HERPUD2: variants seen among roughly 807,000 people sequenced by gnomAD.
The protein encoded by HERPUD2 is homocysteine-responsive endoplasmic reticulum-resident ubiquitin-like domain member 2 protein.
HERPUD2 carries 13 observed loss-of-function variants against 49.9 expected under a neutral mutation model. The observed-to-expected ratio is 0.26, with a 90% CI of 0.17 to 0.41. The LOEUF is 0.41. HERPUD2 is among the 10% of genes least tolerant of loss of function. The pLI is 1.00. For synonymous variants in HERPUD2, 172 were observed against 171.4 expected, an observed-to-expected ratio of 1.00 and a Z score of -0.03; for missense variants, 449 against 492.2, an observed-to-expected ratio of 0.91 and a Z score of 0.83.
chr7:35,686,472 CG>C (rs376287068), intron 2 of HERPUD2, among the ~76,000 whole-genome samples: 149,247 of 149,252 alleles, frequency 1, 74,621 homozygotes, highest in Non-Finnish European at 1. Context: ...CAGGCGTCAG[CG>C]CAGCGCCCGG....
At chr7:35,667,895 T>A (rs981233500) in intron 4 of HERPUD2, among the ~76,000 whole-genome samples, 21 of 152,196 alleles carry the variant, frequency 1.4e-4, no homozygotes, top group Admixed American at 1.1e-3. Context: ...AAAAGCTCTT[T>A]TCACATGATT....
At chr7:35,657,197 C>T (rs922577543) in intron 5 of HERPUD2, among the ~76,000 whole-genome samples, 25 of 152,002 alleles carry the variant, frequency 1.6e-4, no homozygotes, top group African/African-American at 5.6e-4. Context: ...AAAAAGTAAG[C>T]AAAGGACATG....
intron 6 of HERPUD2, among the ~76,000 whole-genome samples, chr7:35,637,632 C>A (rs1423745847): frequency 6.6e-6 from 1 of 151,994 alleles, no homozygotes; most frequent in African/African-American, 2.4e-5. Context: ...CAACTAAGAC[C>A]ACGCAAAAAA....
rs1279518681 is a variant in HERPUD2 at position 35,674,400 on chromosome 7, TATATAGAGAGAGAGAGAGAGAGAG to T, written c.148-1146_148-1123del. Among the ~76,000 whole-genome samples the T allele has an allele frequency of 2.5e-4, 15 of 60,200 alleles. No individual in the cohort carries two copies. The South Asian group carries it at 3.4e-3, about 14-fold the overall frequency. 39.5% of individuals were successfully genotyped at this position (60,200 alleles called of 152,430 possible). On this transcript the variant is annotated intron_variant, in intron 2 of 8. Transcript: ENST00000311350. Reference sequence around the variant, plus strand: ...CAACCTATATATATATATATATATATATATAGAGAGAGAGAGAGAGAGAGAGAGAGAGAGAGAGAGAGAGAGAGA... The same window carrying T: ...CAACCTATATATATATATATATATATAGAGAGAGAGAGAGAGAGAGAGAGA...
At position 35,670,232 on chromosome 7, in the gene HERPUD2, C is replaced by T. The variant is rs3779234; in HGVS notation, c.322G>A (p.Ala108Thr). The change falls in exon 4 of 9, where the codon GCA becomes ACA. Residue 108 changes from alanine (A) to threonine (T), a missense_variant. Coordinates refer to ENST00000311350, the MANE Select transcript of HERPUD2 (RefSeq NM_022373.5). The stretch of plus-strand genomic sequence containing the variant: ...CAACTCACAGAATTGCTGCTGGATG[C>T]CAATGCTTCATGACTTTCTCTATTG... ...STNRESHEAL[A>T]SSSNSSSDHS... is the part of the protein sequence containing the mutation. 0.36 allele frequency: 559,184 copies of T among 1,553,080 alleles called. 104,106 individuals are homozygous for T. The highest frequency in any genetic ancestry group is 0.41 in the Middle Eastern group (2,418 of 5,926).
In HERPUD2 at chr7:35,664,777, C is replaced by T. The variant is rs147441763; in HGVS notation, c.494+2657G>A. On this transcript the variant is annotated intron_variant, in intron 5 of 8. Transcript: ENST00000311350. ...TGGACTTATCTATGCTGTTTATTCTCGTTAGCCATTTGTCTACTCTTTTTT... is the reference window on the plus strand; with the variant it reads ...TGGACTTATCTATGCTGTTTATTCTTGTTAGCCATTTGTCTACTCTTTTTT... 3.3e-3 allele frequency among the ~76,000 whole-genome samples: 507 copies of T among 152,282 alleles called. 2 individuals are homozygous for T. The highest frequency in any genetic ancestry group is 0.011 in the African/African-American group (475 of 41,562).
intron 2 of HERPUD2, among the ~76,000 whole-genome samples, 173 bp downstream of exon 2, chr7:35,694,011 T>C (rs545722653): frequency 6.6e-6 from 1 of 152,238 alleles, no homozygotes; most frequent in Admixed American, 6.5e-5. Context: ...CAGGAAAATA[T>C]TAATGATGGT....
Position 35,666,248 on chromosome 7 carries a change from A to G in HERPUD2, c.494+1186T>C, listed in dbSNP as rs111378130. Reference sequence around the variant, plus strand: ...AAAATAGTTTCACAGGTACTTTATGAAAGTCTACAACCAGCCTCATCTAAA... The same window carrying G: ...AAAATAGTTTCACAGGTACTTTATGGAAGTCTACAACCAGCCTCATCTAAA... On this transcript the variant is annotated intron_variant, in intron 5 of 8. Transcript: ENST00000311350. Among the ~76,000 whole-genome samples, 40 of 152,362 alleles carry G rather than the reference A, an allele frequency of 2.6e-4. No individual in the cohort carries two copies. In the East Asian group the frequency reaches 6.7e-3, roughly 26 times the overall value.
chr7:35,637,186 G>A (rs1267505921), intron 6 of HERPUD2, among the ~76,000 whole-genome samples: 2 of 151,084 alleles, frequency 1.3e-5, no homozygotes, highest in Admixed American at 1.3e-4. Context: ...TAGATAGATA[G>A]ATAGATAGAT....
At chr7:35,685,268 T>C (rs2116033620) in intron 2 of HERPUD2, among the ~76,000 whole-genome samples, 1 of 150,518 alleles carries the variant, frequency 6.6e-6, no homozygotes, top group African/African-American at 2.4e-5. Flanking sequence ...AACAGAAACA[T>C]TATTAATTTT....
chr7:35,680,485 C>G (rs532480699), intron 2 of HERPUD2, among the ~76,000 whole-genome samples: 1 of 152,236 alleles, frequency 6.6e-6, no homozygotes, highest in East Asian at 1.9e-4. Context: ...GATGGATTCC[C>G]ACTACAATGG....
intron 2 of HERPUD2, 96 bp from the exon 3 acceptor site, chr7:35,673,374 C>T: frequency 1.1e-6 from 1 of 878,630 alleles, no homozygotes; most frequent in Admixed American, 2.5e-5. Context: ...ATAAAACTCC[C>T]TTTAGGCACA....
rs1369383870 is a variant in HERPUD2, at chr7:35,657,000, A to T, written c.494+10434T>A. Among the ~76,000 whole-genome samples the T allele has an allele frequency of 3.3e-5, 5 of 152,236 alleles. 1 individual carries two copies. The highest frequency in any genetic ancestry group is 4.1e-4 in the South Asian group (2 of 4,832). On this transcript the variant is annotated intron_variant, in intron 5 of 8. Coordinates refer to ENST00000311350, the MANE Select transcript of HERPUD2 (RefSeq NM_022373.5). ...ATCTAGAACACAGACAACAAAAACAAAAATAGACAAATGAGACTATATTAA... is the reference window on the plus strand; with the variant it reads ...ATCTAGAACACAGACAACAAAAACATAAATAGACAAATGAGACTATATTAA...
intron 2 of HERPUD2, among the ~76,000 whole-genome samples, chr7:35,690,017 C>T (rs1244643850): frequency 6.6e-6 from 1 of 152,126 alleles, no homozygotes; most frequent in Admixed American, 6.6e-5. Flanking sequence ...CTATTATCAA[C>T]CGTTTTGGTA....
chr7:35,661,486 T>C (rs1417274604), intron 5 of HERPUD2, among the ~76,000 whole-genome samples: 1 of 152,250 alleles, frequency 6.6e-6, no homozygotes, highest in Non-Finnish European at 1.5e-5. Context: ...TTTCACGATA[T>C]TGATTCTTCC....
intron 5 of HERPUD2, among the ~76,000 whole-genome samples, chr7:35,665,345 C>T (rs1159796967): frequency 3.3e-5 from 5 of 152,194 alleles, no homozygotes; most frequent in African/African-American, 7.2e-5. Context: ...GCCTTGCTGT[C>T]GCCTTGCAGT....
intron 3 of HERPUD2, among the ~76,000 whole-genome samples, chr7:35,670,724 A>ATT (rs1785625462): frequency 6.6e-6 from 1 of 152,128 alleles, no homozygotes; most frequent in African/African-American, 2.4e-5. Context: ...ATAAACTCAA[A>ATT]TAACTTCATC....
intron 2 of HERPUD2, among the ~76,000 whole-genome samples, chr7:35,689,336 C>T (rs1021337334): frequency 5.9e-5 from 9 of 152,258 alleles, no homozygotes; most frequent in Middle Eastern, 3.4e-3. Flanking sequence ...TCCCAGGCGA[C>T]ATGAAACCCT....
At chr7:35,676,522 T>C (rs1785764645) in intron 2 of HERPUD2, among the ~76,000 whole-genome samples, 1 of 152,218 alleles carries the variant, frequency 6.6e-6, no homozygotes, top group South Asian at 2.1e-4. Flanking sequence ...ACACATTTCA[T>C]GCCCCAGACC....
Sources: gnomAD v4.1 joint callset for allele counts (sites outside exome capture counted in the v4.1 genomes callset) on GRCh38, gnomAD v4.1.1 for gene constraint, MANE v1.5 for transcripts, NCBI Gene and HGNC (gene_info 2026-07-23, HGNC 2026-07-21) for gene names.